ITGA1: variants seen among roughly 807,000 people sequenced by gnomAD.
ITGA1 encodes the protein integrin alpha-1.
Under a neutral mutation model 145.9 loss-of-function variants are expected in ITGA1, and 85 were observed. The observed-to-expected ratio is 0.58, with a 90% CI of 0.49 to 0.70. ITGA1 has a LOEUF of 0.70. Ranked by LOEUF, ITGA1 falls within the 30% of genes least tolerant of loss-of-function variation. The pLI is 0.00. For missense variants in ITGA1, 1,351 were observed against 1,418.7 expected (o/e 0.95, Z 0.77); for synonymous variants, 520 against 495.3 (o/e 1.05, Z -0.66).
At chr5:52,800,642 T>C (rs779152067) in intron 1 of ITGA1, 1 of 1,613,946 alleles carries the variant, frequency 6.2e-7, no homozygotes. Flanking sequence ...CAGCTGCGGG[T>C]TAAGGGGACC....
At chr5:52,860,016 A>T (rs1749573199) in intron 2 of ITGA1, among the ~76,000 whole-genome samples, 1 of 152,124 alleles carries the variant, frequency 6.6e-6, no homozygotes, top group Non-Finnish European at 1.5e-5. Flanking sequence ...CCATTAAGTG[A>T]GGGCTCCCAC....
chr5:52,863,610 T>C (rs1274149869), intron 3 of ITGA1, among the ~76,000 whole-genome samples: 1 of 152,198 alleles, frequency 6.6e-6, no homozygotes, highest in Non-Finnish European at 1.5e-5. Context: ...GGTGATTGTT[T>C]CATGTATTTT....
rs368631629 is a variant in ITGA1, at chr5:52,913,038, G to A, written c.1858-2426G>A. On this transcript the variant is annotated intron_variant, in intron 14 of 28. Transcript: ENST00000282588. ...TGGGATTACAGGCGTGAGCCACCGTGCCTGGCCGTAATTACTTTATATTTT... is the reference window on the plus strand; with the variant it reads ...TGGGATTACAGGCGTGAGCCACCGTACCTGGCCGTAATTACTTTATATTTT... 4.8e-4 allele frequency among the ~76,000 whole-genome samples: 73 copies of A among 151,860 alleles called. 2 individuals carry two copies. The East Asian group carries it at 4.9e-3, about 10-fold the overall frequency.
chr5:52,949,581 T>C (rs988545135), intron 28 of ITGA1, among the ~76,000 whole-genome samples: 1 of 152,144 alleles, frequency 6.6e-6, no homozygotes. Flanking sequence ...TCTTTCTTTT[T>C]CCAATATATC....
At chr5:52,804,386 G>A (rs1416797696) in intron 1 of ITGA1, among the ~76,000 whole-genome samples, 3 of 152,122 alleles carry the variant, frequency 2.0e-5, no homozygotes, top group Non-Finnish European at 4.4e-5. Context: ...CATATCAAAT[G>A]ACAGCTACTC....
At chr5:52,923,000 T>G (rs112609998) in intron 18 of ITGA1, 113 bp downstream of exon 18, 18 of 622,874 alleles carry the variant, frequency 2.9e-5, no homozygotes, top group Non-Finnish European at 4.7e-5. Flanking sequence ...AACAACTAAC[T>G]GGAAGAAAGA....
At chr5:52,946,986 G>T (rs1205213350) in intron 27 of ITGA1, among the ~76,000 whole-genome samples, 6 of 152,114 alleles carry the variant, frequency 3.9e-5, no homozygotes, top group Non-Finnish European at 5.9e-5. Flanking sequence ...CTAAACTAAT[G>T]CTATTGTGAT....
In ITGA1 at chr5:52,856,076, T is replaced by C. The variant is rs1046262062; in HGVS notation, c.183-5371T>C. Among the ~76,000 whole-genome samples the C allele has an allele frequency of 8.5e-5, 13 of 152,308 alleles. No individual in the cohort carries two copies. In the East Asian group the frequency reaches 1.9e-3, roughly 23 times the overall value. On this transcript the variant is annotated intron_variant, in intron 2 of 28. Transcript: ENST00000282588. Reference sequence around the variant, plus strand: ...CCAATTATCACCATATCCTAAGTGCTTTCTCTTGCCCTAGAGATCAAACAT... The same window carrying C: ...CCAATTATCACCATATCCTAAGTGCCTTCTCTTGCCCTAGAGATCAAACAT...
At chr5:52,876,463 G>C (rs533810397) in intron 6 of ITGA1, among the ~76,000 whole-genome samples, 3 of 152,106 alleles carry the variant, frequency 2.0e-5, no homozygotes, top group Non-Finnish European at 2.9e-5. Flanking sequence ...CAAGCACCCC[G>C]GTATCAGCCA....
intron 6 of ITGA1, among the ~76,000 whole-genome samples, chr5:52,874,340 T>C (rs1749832383): frequency 6.6e-6 from 1 of 151,430 alleles, no homozygotes; most frequent in African/African-American, 2.4e-5. Context: ...TTTTGCCTCT[T>C]AAAGGCACCA....
chr5:52,844,969 A>G (rs1322920750), intron 1 of ITGA1, among the ~76,000 whole-genome samples: 1 of 152,130 alleles, frequency 6.6e-6, no homozygotes, highest in Non-Finnish European at 1.5e-5. Flanking sequence ...CTATTTTTTT[A>G]TGTCATCTCC....
chr5:52,910,936 ATG>A (rs1750502135), intron 14 of ITGA1, among the ~76,000 whole-genome samples: 1 of 138,112 alleles, frequency 7.2e-6, no homozygotes, highest in Non-Finnish European at 1.5e-5. Context: ...TATATATGGT[ATG>A]TATACTGTAT....
chr5:52,912,711 A>AGTGTGTGT (rs67318879), intron 14 of ITGA1, among the ~76,000 whole-genome samples: 9 of 132,370 alleles, frequency 6.8e-5, no homozygotes, highest in East Asian at 4.3e-4. Context: ...CTATATATAT[A>AGTGTGTGT]GTGTGTGTGT....
rs1750689191 is a variant in ITGA1 at position 52,918,880 on chromosome 5, G to A, written c.2137G>A (p.Asp713Asn). ...TGATGTGAAATTAAAGTCTAAAGAA[G>A]ACACGATTTATGAAGCTGGTAAGCA... ...CFDVKLKSKE[D>N]TIYEADLQYR... Residue 713 changes from aspartate (D) to asparagine (N), a missense_variant, in exon 16 of 29, where the codon GAC becomes AAC. By Grantham distance (23) the Asp-to-Asn change is conservative. Transcript: ENST00000282588. The A allele has an allele frequency of 3.1e-6, 5 of 1,595,290 alleles. No individual in the cohort carries two copies. Among genetic ancestry groups the A allele is most frequent in the African/African-American group, 2.7e-5 (2 of 73,816 alleles).
intron 6 of ITGA1, among the ~76,000 whole-genome samples, chr5:52,873,868 C>T (rs534680158): frequency 6.6e-6 from 1 of 152,144 alleles, no homozygotes; most frequent in African/African-American, 2.4e-5. Flanking sequence ...TGAATGAAAG[C>T]CCAGAAACTT....
chr5:52,838,510 G>A (rs1192471816), intron 1 of ITGA1, among the ~76,000 whole-genome samples: 1 of 152,098 alleles, frequency 6.6e-6, no homozygotes, highest in Non-Finnish European at 1.5e-5. Context: ...TGTTAAACCA[G>A]AAAGTATTTA....
chr5:52,819,844 C>A lies in ITGA1; in HGVS notation c.62-29521C>A, dbSNP rs568545334. On this transcript the variant is annotated intron_variant, in intron 1 of 28. Coordinates refer to ENST00000282588, the MANE Select transcript of ITGA1 (RefSeq NM_181501.2). The stretch of plus-strand genomic sequence containing the variant: ...TTTGTATAAGGTGTAAGGAAGGGAT[C>A]CGGTTTCAGCTTTCTACATATGGCT... Among the ~76,000 whole-genome samples, 9 of 152,190 alleles carry A rather than the reference C, an allele frequency of 5.9e-5. No homozygotes were observed. In the East Asian group the frequency reaches 1.7e-3, roughly 29 times the overall value.
chr5:52,955,346 CAGATAGAT>C lies in ITGA1; in HGVS notation c.*2937_*2944del, dbSNP rs58090129. ...CCACTGAGACAGATTACACGATAGA[CAGATAGAT>C]AGATAGATAGATAGATAGATAGATA... On this transcript the variant is annotated 3_prime_UTR_variant, in exon 29 of 29. Transcript: ENST00000282588. The C allele has an allele frequency of 0.33, 48,281 of 147,966 alleles. 8,479 individuals carry two copies. Among genetic ancestry groups the C allele is most frequent in the Non-Finnish European group, 0.39 (26,245 of 67,012 alleles). 9.2% of individuals were successfully genotyped at this position (147,966 alleles called of 1,614,324 possible).
intron 15 of ITGA1, among the ~76,000 whole-genome samples, chr5:52,916,618 C>G (rs1483310526): frequency 6.6e-6 from 1 of 151,566 alleles, no homozygotes; most frequent in African/African-American, 2.4e-5. Flanking sequence ...AAAAAAAAAC[C>G]TTTACAATAG....
Sources: allele counts gnomAD v4.1 joint callset (sites outside exome capture counted in the v4.1 genomes callset), GRCh38; gene constraint gnomAD v4.1.1; transcripts MANE v1.5; gene names NCBI Gene and HGNC (gene_info 2026-07-23, HGNC 2026-07-21).